Variants in PDGFRA observed in about 807,000 individuals in gnomAD.
PDGFRA encodes the protein platelet-derived growth factor receptor alpha.
Under a neutral mutation model 121.5 loss-of-function variants are expected in PDGFRA, and 25 were observed. The observed-to-expected ratio is 0.21, with a 90% CI of 0.15 to 0.29. The LOEUF (loss-of-function observed/expected upper bound fraction) is 0.29, where lower values mean the gene tolerates loss of function less well. Ranked by LOEUF, PDGFRA falls within the 10% of genes least tolerant of loss-of-function variation. The pLI, the probability that PDGFRA is intolerant of heterozygous loss-of-function variation, is 1.00. For synonymous variants in PDGFRA, 463 were observed against 494.8 expected, an observed-to-expected ratio of 0.94 and a Z score of 0.85; for missense variants, 1,008 against 1,345.1, an observed-to-expected ratio of 0.75 and a Z score of 3.92.
rs2110295919 is a variant in PDGFRA, at chr4:54,274,517, C to T, written c.1559-14C>T. ...AGGAAACTTTTCATTGTGCCTCTCTCTCTTGTCACGTAGCCCTGCGTTCTG... is the reference window on the plus strand; with the variant it reads ...AGGAAACTTTTCATTGTGCCTCTCTTTCTTGTCACGTAGCCCTGCGTTCTG... On this transcript the variant is annotated splice_polypyrimidine_tract_variant and intron_variant, in intron 10 of 22. Coordinates refer to ENST00000257290, the MANE Select transcript of PDGFRA (RefSeq NM_006206.6). 2 of 1,601,920 alleles carry T rather than the reference C, an allele frequency of 1.2e-6. No individual in the cohort carries two copies. The highest frequency in any genetic ancestry group is 1.7e-6 in the Non-Finnish European group (2 of 1,169,612).
chr4:54,235,035 C>G (rs1416638643), intron 1 of PDGFRA, among the ~76,000 whole-genome samples: 1 of 152,170 alleles, frequency 6.6e-6, no homozygotes, highest in East Asian at 1.9e-4. Context: ...TGCAGAGGTC[C>G]TGGTAAACAC....
chr4:54,277,905 G>A lies in PDGFRA; in HGVS notation c.1901G>A (p.Arg634Lys). Residue 634 changes from arginine to lysine, a missense_variant, in exon 14 of 23, where the codon AGA becomes AAA. Physicochemically the swap from Arg to Lys is conservative, Grantham distance 26. Coordinates refer to ENST00000257290, the MANE Select transcript of PDGFRA (RefSeq NM_006206.6). ...TTTATTCTTTCAACAGCCACGGCCA[G>A]ATCCAGTGAAAAACAAGCTCTCATG... ...VAVKMLKPTA[R>K]SSEKQALMSE... 6.2e-7 allele frequency: 1 copy of A among 1,610,522 alleles called. No homozygotes were observed. Among genetic ancestry groups the A allele is most frequent in the Non-Finnish European group, 8.5e-7 (1 of 1,176,736 alleles).
intron 1 of PDGFRA, among the ~76,000 whole-genome samples, chr4:54,250,642 A>G (rs563762915): frequency 6.6e-6 from 1 of 152,220 alleles, no homozygotes; most frequent in South Asian, 2.1e-4. Context: ...TGCATCTTTA[A>G]TCAGCTGTCC....
Position 54,280,418 on chromosome 4 carries a change from A to G in PDGFRA, c.2259A>G (p.Lys753=). The G allele has an allele frequency of 6.2e-7, 1 of 1,613,762 alleles. No homozygotes were observed. Among genetic ancestry groups the G allele is most frequent in the Non-Finnish European group, 8.5e-7 (1 of 1,179,632 alleles). The part of the protein sequence containing the change: ...VPMLERKEVS[K]YSDIQRSLYD... ...TGCTAGAAAGGAAAGAGGTTTCTAA[A>G]TATTCCGACATCCAGAGATCACTCT... is the stretch of plus-strand genomic sequence containing the variant. The change falls in exon 16 of 23, where the codon AAA becomes AAG. Residue 753 remains lysine (K), a synonymous_variant. Coordinates refer to ENST00000257290, the MANE Select transcript of PDGFRA (RefSeq NM_006206.6).
chr4:54,244,182 A>G (rs1213684931), intron 1 of PDGFRA, among the ~76,000 whole-genome samples: 2 of 152,214 alleles, frequency 1.3e-5, no homozygotes, highest in African/African-American at 4.8e-5. Context: ...GCAGACTTAA[A>G]TGTCCCTGTC....
chr4:54,273,827 T>A, intron 10 of PDGFRA, 97 bp downstream of exon 10: 1 of 932,726 alleles, frequency 1.1e-6, no homozygotes, highest in Non-Finnish European at 1.7e-6. Flanking sequence ...GAAATGAAGG[T>A]CCCAAGGCAG....
At chr4:54,269,529 ACACAC>A (rs1723213786) in intron 7 of PDGFRA, among the ~76,000 whole-genome samples, 2 of 151,762 alleles carry the variant, frequency 1.3e-5, no homozygotes, top group Admixed American at 6.6e-5. Flanking sequence ...ACACACACAC[ACACAC>A]AACCAGATGT....
At chr4:54,280,248 TCTA>T in intron 15 of PDGFRA, 65 bp from the exon 16 acceptor site, 1 of 408,382 alleles carries the variant, frequency 2.4e-6, no homozygotes, top group Non-Finnish European at 4.0e-6. Flanking sequence ...ATAATCATCA[TCTA>T]CTGAAAGTGG....
intron 1 of PDGFRA, among the ~76,000 whole-genome samples, chr4:54,249,360 A>G (rs1358501144): frequency 2.0e-5 from 3 of 152,214 alleles, no homozygotes; most frequent in African/African-American, 4.8e-5. Context: ...CACTATTCAC[A>G]ATAGCAAAGA....
chr4:54,240,602 T>C (rs974911757), intron 1 of PDGFRA, among the ~76,000 whole-genome samples: 2 of 152,246 alleles, frequency 1.3e-5, no homozygotes, highest in African/African-American at 4.8e-5. Context: ...TGTCACTTTG[T>C]TTAATGCTTT....
In PDGFRA at chr4:54,297,519, C is replaced by G. The variant is rs138354130; in HGVS notation, c.*2247C>G. 1 of 233,668 alleles carries G rather than the reference C, an allele frequency of 4.3e-6. No homozygotes were observed. Among genetic ancestry groups the G allele is most frequent in the African/African-American group, 2.2e-5 (1 of 45,456 alleles). 14.5% of individuals were successfully genotyped at this position (233,668 alleles called of 1,614,324 possible). ...TTATCGCTCACTCTCCCTTGTACAGCCTTATTTTGTTGGTGCTTTGCATTT... is the reference window on the plus strand; with the variant it reads ...TTATCGCTCACTCTCCCTTGTACAGGCTTATTTTGTTGGTGCTTTGCATTT... On this transcript the variant is annotated 3_prime_UTR_variant, in exon 23 of 23. Transcript: ENST00000257290.
intron 1 of PDGFRA, chr4:54,240,005 C>A: frequency 2.4e-6 from 1 of 413,680 alleles, no homozygotes; most frequent in South Asian, 1.8e-5. Context: ...CATGCACCAC[C>A]ACGCCTGGCT....
In PDGFRA at chr4:54,295,637, C is replaced by T; in HGVS notation, c.*365C>T. ...TTCAGCATTGTAATTATGTAAATAA[C>T]TCTAACCAAGGCTGTGTTTAGATTG... On this transcript the variant is annotated 3_prime_UTR_variant, in exon 23 of 23. Transcript: ENST00000257290. 2.6e-6 allele frequency: 1 copy of T among 387,916 alleles called. No individual in the cohort carries two copies. Among genetic ancestry groups the T allele is most frequent in the Non-Finnish European group, 4.8e-6 (1 of 208,890 alleles). 24.0% of individuals were successfully genotyped at this position (387,916 alleles called of 1,614,324 possible). A position where few individuals can be genotyped will look rare whatever the true frequency, so the allele number is the denominator to read the frequency against.
At chr4:54,287,914 G>A (rs754520148) in intron 19 of PDGFRA, among the ~76,000 whole-genome samples, 1 of 152,164 alleles carries the variant, frequency 6.6e-6, no homozygotes, top group South Asian at 2.1e-4. Context: ...TCACCTGGTG[G>A]CGATTGATGC....
In PDGFRA at chr4:54,290,233, A is replaced by G. The variant is rs2276948; in HGVS notation, c.2881-80A>G. ...TTGGAGATATGTACAGTTAAATAATAGTAAGTTCTGAGTGTCTCTATTCAT... is the reference window on the plus strand; with the variant it reads ...TTGGAGATATGTACAGTTAAATAATGGTAAGTTCTGAGTGTCTCTATTCAT... On this transcript the variant is annotated intron_variant, in intron 21 of 22. Transcript: ENST00000257290. 0.83 allele frequency: 940,738 copies of G among 1,136,522 alleles called. 394,997 individuals are homozygous for G. The highest frequency in any genetic ancestry group is 0.88 in the Middle Eastern group (4,568 of 5,184). 70.4% of individuals were successfully genotyped at this position (1,136,522 alleles called of 1,614,324 possible). A position where few individuals can be genotyped will look rare whatever the true frequency, so the allele number is the denominator to read the frequency against.
chr4:54,269,460 T>C (rs935060410), intron 7 of PDGFRA, among the ~76,000 whole-genome samples: 2 of 151,824 alleles, frequency 1.3e-5, no homozygotes, highest in African/African-American at 4.8e-5. Context: ...TGATGATTTA[T>C]AAAGGACAAT....
chr4:54,249,389 A>G (rs948389054), intron 1 of PDGFRA, among the ~76,000 whole-genome samples: 1 of 152,208 alleles, frequency 6.6e-6, no homozygotes, highest in Non-Finnish European at 1.5e-5. Flanking sequence ...CAACCCAAAT[A>G]TCCAACGATG....
At chr4:54,292,828 C>T (rs532827983) in intron 22 of PDGFRA, among the ~76,000 whole-genome samples, 14 of 152,046 alleles carry the variant, frequency 9.2e-5, no homozygotes, top group African/African-American at 1.9e-4. Flanking sequence ...GCTAAAACTA[C>T]GAGAACACAT....
chr4:54,281,730 A>G, intron 16 of PDGFRA: 1 of 1,354,142 alleles, frequency 7.4e-7, no homozygotes, highest in Non-Finnish European at 9.7e-7. Flanking sequence ...CACTTGCTGA[A>G]CATTTTCAAA....
Sources: allele counts gnomAD v4.1 joint callset (sites outside exome capture counted in the v4.1 genomes callset), GRCh38; gene constraint gnomAD v4.1.1; transcripts MANE v1.5; gene names NCBI Gene and HGNC (gene_info 2026-07-23, HGNC 2026-07-21).